Variants in NDUFS4 observed in about 807,000 individuals in gnomAD.
The protein encoded by NDUFS4 is NADH dehydrogenase [ubiquinone] iron-sulfur protein 4, mitochondrial.
In NDUFS4, 28 loss-of-function variants were observed where a neutral mutation model predicts 24.3. The ratio of observed to expected loss-of-function variants is 1.15; its 90% CI spans 0.85 to 1.58. NDUFS4 has a LOEUF of 1.58. Among genes scored for constraint, NDUFS4 ranks in the 40% most tolerant of loss-of-function variants. NDUFS4 has a pLI of 0.00. For synonymous variants in NDUFS4, 93 were observed against 69.7 expected (o/e 1.34, Z -1.67); for missense variants, 223 against 207.9 (o/e 1.07, Z -0.45).
At chr5:53,576,436 CTGAA>C (rs1345050478) in intron 1 of NDUFS4, among the ~76,000 whole-genome samples, 2 of 152,190 alleles carry the variant, frequency 1.3e-5, no homozygotes, top group Admixed American at 6.5e-5. Flanking sequence ...CTGTCTGTCT[CTGAA>C]TGACAGCTAC....
In NDUFS4 at chr5:53,649,995, A is replaced by G. The variant is rs546973312; in HGVS notation, c.350+3590A>G. The stretch of plus-strand genomic sequence containing the variant: ...TGTTATCCTTTTTATTTTATGTTTC[A>G]TATAATATATAGAGTCATTTTGTAA... On this transcript the variant is annotated intron_variant, in intron 3 of 4. Coordinates refer to ENST00000296684, the MANE Select transcript of NDUFS4 (RefSeq NM_002495.4). Among the ~76,000 whole-genome samples the G allele has an allele frequency of 1.6e-4, 25 of 152,180 alleles. 1 individual carries two copies. In the South Asian group the frequency reaches 4.8e-3, roughly 29 times the overall value.
chr5:53,647,424 C>G (rs1361406278), intron 3 of NDUFS4, among the ~76,000 whole-genome samples: 1 of 151,988 alleles, frequency 6.6e-6, no homozygotes, highest in Non-Finnish European at 1.5e-5. Flanking sequence ...CGCTTTGTTG[C>G]CCGGGCTGGT....
chr5:53,576,962 G>A (rs548136343), intron 1 of NDUFS4, among the ~76,000 whole-genome samples: 1 of 152,186 alleles, frequency 6.6e-6, no homozygotes, highest in East Asian at 1.9e-4. Flanking sequence ...AGGATTAGCA[G>A]TGTTCAAGCA....
At chr5:53,596,806 A>G (rs1286095064) in intron 1 of NDUFS4, among the ~76,000 whole-genome samples, 1 of 152,238 alleles carries the variant, frequency 6.6e-6, no homozygotes, top group Non-Finnish European at 1.5e-5. Context: ...AGTTCTAATC[A>G]AAAGGCTAAA....
rs530484960 is a variant in NDUFS4 at position 53,599,615 on chromosome 5, GTTC to G, written c.99-3831_99-3829del. Among the ~76,000 whole-genome samples, 358 of 152,054 alleles carry G rather than the reference GTTC, an allele frequency of 2.4e-3. 1 individual carries two copies. The highest frequency in any genetic ancestry group is 4.3e-3 in the Non-Finnish European group (291 of 67,966). ...ATTGGGTTGTTTTGTTGCTGTTTGAGTTCTTCTTTTAAAATTTAGAAATGACCC... is the reference window on the plus strand; with the variant it reads ...ATTGGGTTGTTTTGTTGCTGTTTGAGTTCTTTTAAAATTTAGAAATGACCC... On this transcript the variant is annotated intron_variant, in intron 1 of 4. Transcript: ENST00000296684.
At chr5:53,662,099 T>G (rs923290452) in intron 4 of NDUFS4, among the ~76,000 whole-genome samples, 1 of 152,220 alleles carries the variant, frequency 6.6e-6, no homozygotes, top group Admixed American at 6.5e-5. Context: ...ATGTTTCCAG[T>G]TCTTGCCCAT....
At chr5:53,650,562 C>G (rs1751987819) in intron 3 of NDUFS4, among the ~76,000 whole-genome samples, 1 of 152,206 alleles carries the variant, frequency 6.6e-6, no homozygotes, top group South Asian at 2.1e-4. Flanking sequence ...TGTTCAGATT[C>G]TTGTCTGTGT....
intron 1 of NDUFS4, among the ~76,000 whole-genome samples, chr5:53,586,344 A>C (rs1464760875): frequency 6.6e-6 from 1 of 151,724 alleles, no homozygotes; most frequent in African/African-American, 2.4e-5. Context: ...AAAAAAAAAA[A>C]ACAAACCAAA....
chr5:53,571,107 A>G (rs1276055123), intron 1 of NDUFS4, among the ~76,000 whole-genome samples: 4 of 152,180 alleles, frequency 2.6e-5, no homozygotes, highest in Non-Finnish European at 4.4e-5. Flanking sequence ...AAAGTATACA[A>G]TTTGACTGGT....
intron 1 of NDUFS4, among the ~76,000 whole-genome samples, chr5:53,581,694 G>T (rs1295472248): frequency 3.3e-5 from 5 of 152,090 alleles, no homozygotes; most frequent in African/African-American, 1.2e-4. Flanking sequence ...TTTTCTTTGA[G>T]GAGCATTATC....
At chr5:53,673,376 A>C (rs1740347287) in intron 4 of NDUFS4, among the ~76,000 whole-genome samples, 2 of 152,144 alleles carry the variant, frequency 1.3e-5, no homozygotes, top group Non-Finnish European at 2.9e-5. Context: ...TTCTAGGTGC[A>C]ATGATATCCT....
chr5:53,678,042 T>G (rs1205154688), intron 4 of NDUFS4, among the ~76,000 whole-genome samples: 1 of 152,192 alleles, frequency 6.6e-6, no homozygotes, highest in African/African-American at 2.4e-5. Flanking sequence ...AAGTTGATTT[T>G]ATTTTTCTGT....
intron 4 of NDUFS4, among the ~76,000 whole-genome samples, chr5:53,663,296 A>C (rs1366145163): frequency 6.6e-6 from 1 of 152,150 alleles, no homozygotes; most frequent in African/African-American, 2.4e-5. Context: ...GTTGAAAAAA[A>C]TGTATATTCT....
chr5:53,632,341 CAT>C (rs1489245612), intron 2 of NDUFS4, among the ~76,000 whole-genome samples: 1 of 152,208 alleles, frequency 6.6e-6, no homozygotes, highest in Non-Finnish European at 1.5e-5. Context: ...TATGGGCAGT[CAT>C]AGAGTTGCTC....
intron 1 of NDUFS4, among the ~76,000 whole-genome samples, chr5:53,575,196 A>AT (rs1749344330): frequency 1.3e-5 from 2 of 152,138 alleles, no homozygotes; most frequent in Non-Finnish European, 1.5e-5. Context: ...TTCCAGCCGC[A>AT]TTTAAGTTCA....
At chr5:53,680,965 G>A (rs951029125) in intron 4 of NDUFS4, among the ~76,000 whole-genome samples, 1 of 151,988 alleles carries the variant, frequency 6.6e-6, no homozygotes, top group Non-Finnish European at 1.5e-5. Context: ...TTCTCAGGGA[G>A]GGAGGTCTCC....
chr5:53,598,601 C>T (rs758552865), intron 1 of NDUFS4, among the ~76,000 whole-genome samples: 2 of 151,882 alleles, frequency 1.3e-5, no homozygotes, highest in African/African-American at 4.8e-5. Flanking sequence ...TCATCTACAG[C>T]AAAAGATGTT....
At chr5:53,572,632 T>A (rs1749246952) in intron 1 of NDUFS4, among the ~76,000 whole-genome samples, 1 of 151,920 alleles carries the variant, frequency 6.6e-6, no homozygotes, top group Non-Finnish European at 1.5e-5. Context: ...GATTTTTTTC[T>A]GTATTGTCTT....
intron 2 of NDUFS4, chr5:53,605,034 A>G (rs1422224001): frequency 2.7e-6 from 1 of 368,184 alleles, no homozygotes; most frequent in Non-Finnish European, 5.3e-6. Flanking sequence ...AGCTTGACCA[A>G]CATGGTGATA....
Sources: allele counts gnomAD v4.1 joint callset (sites outside exome capture counted in the v4.1 genomes callset), GRCh38; gene constraint gnomAD v4.1.1; transcripts MANE v1.5; gene names NCBI Gene and HGNC (gene_info 2026-07-23, HGNC 2026-07-21).